Variants in PCLO observed in about 807,000 individuals in gnomAD.
PCLO encodes protein piccolo.
A neutral mutation model predicts 427.5 loss-of-function variants in PCLO; 82 were observed. The observed-to-expected ratio is 0.19, with a 90% CI of 0.16 to 0.23. The LOEUF is 0.23. PCLO is among the 10% of genes least tolerant of loss of function. The pLI, the probability that PCLO is intolerant of heterozygous loss-of-function variation, is 1.00. For missense variants in PCLO, 6,239 were observed against 6,115.9 expected, an observed-to-expected ratio of 1.02 and a Z score of -0.67; for synonymous variants, 2,357 against 2,155.4, an observed-to-expected ratio of 1.09 and a Z score of -2.59.
chr7:82,896,361 C>A (rs1793903917), intron 9 of PCLO, among the ~76,000 whole-genome samples: 1 of 151,524 alleles, frequency 6.6e-6, no homozygotes, highest in Admixed American at 6.6e-5. Flanking sequence ...AAACTAGTAA[C>A]CTAAAAAACT....
intron 3 of PCLO, among the ~76,000 whole-genome samples, chr7:83,032,492 T>G (rs1269166085): frequency 6.8e-6 from 1 of 146,142 alleles, no homozygotes; most frequent in African/African-American, 2.5e-5. Flanking sequence ...TTCCTTCCCT[T>G]GCTTCACTTC....
intron 9 of PCLO, among the ~76,000 whole-genome samples, chr7:82,893,597 G>GA (rs529305145): frequency 6.6e-6 from 1 of 150,986 alleles, no homozygotes; most frequent in African/African-American, 2.4e-5. Context: ...AATAGAAAAA[G>GA]AAAAAAAATA....
chr7:82,951,657 C>A (rs1795352290), intron 5 of PCLO, among the ~76,000 whole-genome samples, 167 bp from the exon 6 acceptor site: 1 of 146,504 alleles, frequency 6.8e-6, no homozygotes, highest in African/African-American at 2.8e-5. Flanking sequence ...CAGGCGCATG[C>A]AGTGATTTTG....
At chr7:82,908,530 G>A (rs1366500794) in intron 8 of PCLO, among the ~76,000 whole-genome samples, 1 of 152,074 alleles carries the variant, frequency 6.6e-6, no homozygotes, top group Non-Finnish European at 1.5e-5. Context: ...GTTGTTATTG[G>A]AAAGCACTGA....
intron 3 of PCLO, among the ~76,000 whole-genome samples, chr7:83,125,734 G>T (rs1026496770): frequency 1.3e-5 from 2 of 152,044 alleles, no homozygotes; most frequent in African/African-American, 2.4e-5. Context: ...AGTACCCAGG[G>T]ACACAAACAC....
chr7:83,064,454 CA>C (rs1291257057), intron 3 of PCLO, among the ~76,000 whole-genome samples: 1 of 151,930 alleles, frequency 6.6e-6, no homozygotes, highest in African/African-American at 2.4e-5. Context: ...TTTGAGGATG[CA>C]ACATGGTGTG....
chr7:83,038,031 TTA>T (rs1788857000), intron 3 of PCLO, among the ~76,000 whole-genome samples: 4 of 17,276 alleles, frequency 2.3e-4, no homozygotes, highest in African/African-American at 1.3e-3. Context: ...ATATATATAT[TTA>T]TATATTTATA....
intron 3 of PCLO, among the ~76,000 whole-genome samples, chr7:82,974,674 T>A (rs372034100): frequency 5.2e-4 from 79 of 152,346 alleles, no homozygotes; most frequent in Middle Eastern, 6.8e-3. Flanking sequence ...TCAATAGTTT[T>A]AAAAATATAT....
intron 3 of PCLO, among the ~76,000 whole-genome samples, chr7:83,040,502 C>T (rs1325623262): frequency 6.6e-6 from 1 of 152,116 alleles, no homozygotes; most frequent in African/African-American, 2.4e-5. Context: ...CGAATTTGAG[C>T]TTCTTTGCAG....
At chr7:83,048,641 G>C (rs1562938105) in intron 3 of PCLO, among the ~76,000 whole-genome samples, 2 of 152,242 alleles carry the variant, frequency 1.3e-5, no homozygotes, top group East Asian at 3.9e-4. Flanking sequence ...AGTATTCCCT[G>C]AAGAAGACGG....
At chr7:82,990,062 G>C (rs1796342684) in intron 3 of PCLO, among the ~76,000 whole-genome samples, 1 of 152,096 alleles carries the variant, frequency 6.6e-6, no homozygotes, top group Non-Finnish European at 1.5e-5. Context: ...GAAATTAAGG[G>C]GGAAGGGGAC....
In PCLO at chr7:83,053,632, T is replaced by C. The variant is rs571550000; in HGVS notation, c.3300+80618A>G. Reference sequence around the variant, plus strand: ...AGTAAAACATTTAGTTAGATCGACATTGACCAGGGAATTGAGCCATGTTTT... The same window carrying C: ...AGTAAAACATTTAGTTAGATCGACACTGACCAGGGAATTGAGCCATGTTTT... On this transcript the variant is annotated intron_variant, in intron 3 of 24. Transcript: ENST00000333891. 6.6e-5 allele frequency among the ~76,000 whole-genome samples: 10 copies of C among 152,004 alleles called. No homozygotes were observed. In the South Asian group the frequency reaches 1.9e-3, roughly 28 times the overall value.
chr7:82,824,975 CAAA>C (rs1028688725), intron 18 of PCLO, among the ~76,000 whole-genome samples: 5 of 151,806 alleles, frequency 3.3e-5, no homozygotes, highest in African/African-American at 1.2e-4. Context: ...AACAAACAAA[CAAA>C]AACTCATAAC....
At chr7:83,005,027 G>A (rs1345082730) in intron 3 of PCLO, among the ~76,000 whole-genome samples, 9 of 151,508 alleles carry the variant, frequency 5.9e-5, no homozygotes, top group Admixed American at 2.0e-4. Flanking sequence ...TATAATAAGT[G>A]TTGGAAAGGG....
At chr7:83,154,518 T>A (rs1792216437) in intron 2 of PCLO, among the ~76,000 whole-genome samples, 1 of 152,164 alleles carries the variant, frequency 6.6e-6, no homozygotes, top group South Asian at 2.1e-4. Flanking sequence ...TTCAATCAAT[T>A]TATATTTGTC....
intron 3 of PCLO, among the ~76,000 whole-genome samples, chr7:83,123,963 A>AAAAG (rs2116573158): frequency 6.7e-6 from 1 of 148,516 alleles, no homozygotes; most frequent in Non-Finnish European, 1.5e-5. Flanking sequence ...TCTCAAAAAA[A>AAAAG]AAAAAAAAAA....
At chr7:82,874,746 A>G (rs1391019463) in intron 10 of PCLO, among the ~76,000 whole-genome samples, 1 of 152,156 alleles carries the variant, frequency 6.6e-6, no homozygotes, top group East Asian at 1.9e-4. Flanking sequence ...TCTAGGGTAA[A>G]GATTTAAAAT....
intron 22 of PCLO, among the ~76,000 whole-genome samples, chr7:82,794,450 ATTTTTTTTCTTTTTT>A (rs1322406412): frequency 1.6e-5 from 1 of 62,030 alleles, no homozygotes; most frequent in Non-Finnish European, 3.9e-5. Context: ...TAGTTCATAA[ATTTTTTTTCTTTTTT>A]TTTTTTTTTT....
At chr7:82,815,952 C>A (rs954684418) in intron 20 of PCLO, among the ~76,000 whole-genome samples, 1 of 152,082 alleles carries the variant, frequency 6.6e-6, no homozygotes, top group Non-Finnish European at 1.5e-5. Context: ...CCAAACTCAA[C>A]ACCCCGATCA....
Sources: gnomAD v4.1 joint callset for allele counts (sites outside exome capture counted in the v4.1 genomes callset) on GRCh38, gnomAD v4.1.1 for gene constraint, MANE v1.5 for transcripts, NCBI Gene and HGNC (gene_info 2026-07-23, HGNC 2026-07-21) for gene names.